Variants in NRG3 observed in about 807,000 individuals in gnomAD.
NRG3 encodes the protein pro-neuregulin-3, membrane-bound isoform.
A neutral mutation model predicts 66.9 loss-of-function variants in NRG3; 31 were observed. The ratio of observed to expected loss-of-function variants is 0.46; its 90% CI spans 0.35 to 0.63. NRG3 has a LOEUF of 0.63. Among genes scored for constraint, NRG3 ranks in the 20% least tolerant of loss-of-function variants. NRG3 has a pLI of 0.00. For synonymous variants in NRG3, 393 were observed against 359.4 expected, an observed-to-expected ratio of 1.09 and a Z score of -1.06; for missense variants, 910 against 878.9, an observed-to-expected ratio of 1.04 and a Z score of -0.45.
chr10:82,313,364 A>T (rs996487691), intron 1 of NRG3, among the ~76,000 whole-genome samples: 21 of 148,138 alleles, frequency 1.4e-4, no homozygotes, highest in Admixed American at 2.7e-4. Flanking sequence ...CAAATAAAAA[A>T]TAAATAAATA....
chr10:82,333,832 G>A (rs2082257203), intron 1 of NRG3, among the ~76,000 whole-genome samples: 1 of 152,132 alleles, frequency 6.6e-6, no homozygotes, highest in Admixed American at 6.5e-5. Flanking sequence ...AAGAAAAACA[G>A]CATACTGCTG....
At chr10:82,261,384 T>A (rs1267876664) in intron 1 of NRG3, among the ~76,000 whole-genome samples, 1 of 152,110 alleles carries the variant, frequency 6.6e-6, no homozygotes, top group African/African-American at 2.4e-5. Context: ...GAACTGAGAG[T>A]CAATTAAACC....
chr10:82,385,896 G>T (rs1195430523), intron 2 of NRG3, among the ~76,000 whole-genome samples: 1 of 152,076 alleles, frequency 6.6e-6, no homozygotes, highest in African/African-American at 2.4e-5. Flanking sequence ...TTTTCATGTT[G>T]TCTTAAAGTG....
rs182307734 is a variant in NRG3 at position 82,798,214 on chromosome 10, A to G, written c.1027+59564A>G. Among the ~76,000 whole-genome samples the G allele has an allele frequency of 2.0e-5, 3 of 152,322 alleles. No homozygotes were observed. In the East Asian group the frequency reaches 5.8e-4, roughly 29 times the overall value. On this transcript the variant is annotated intron_variant, in intron 3 of 8. Coordinates refer to ENST00000372141, the MANE Select transcript of NRG3 (RefSeq NM_001010848.4). Reference sequence around the variant, plus strand: ...GCTGACCAAATATACACAGTAAGTTATAGTATTGGGTAAATGAAACAATCC... The same window carrying G: ...GCTGACCAAATATACACAGTAAGTTGTAGTATTGGGTAAATGAAACAATCC...
intron 1 of NRG3, among the ~76,000 whole-genome samples, chr10:81,925,039 A>T (rs1381691576): frequency 6.6e-6 from 1 of 152,196 alleles, no homozygotes; most frequent in Non-Finnish European, 1.5e-5. Flanking sequence ...CTATTTAGAG[A>T]AAGTCATCAT....
At chr10:82,173,939 G>A (rs571505141) in intron 1 of NRG3, among the ~76,000 whole-genome samples, 38 of 152,108 alleles carry the variant, frequency 2.5e-4, no homozygotes, top group Non-Finnish European at 3.4e-4. Flanking sequence ...TCCTTCGTCC[G>A]TTATATTTGG....
At chr10:82,093,980 C>G (rs761852041) in intron 1 of NRG3, among the ~76,000 whole-genome samples, 7 of 152,172 alleles carry the variant, frequency 4.6e-5, no homozygotes, top group Non-Finnish European at 1.0e-4. Context: ...TGTAAAGCCT[C>G]TTCATAGTTA....
chr10:82,702,745 T>A (rs1395627365), intron 2 of NRG3, among the ~76,000 whole-genome samples: 1 of 152,140 alleles, frequency 6.6e-6, no homozygotes, highest in African/African-American at 2.4e-5. Flanking sequence ...CCTTTGATGA[T>A]TCCTTGAGTG....
intron 1 of NRG3, among the ~76,000 whole-genome samples, chr10:82,087,958 AT>A (rs1304930253): frequency 6.7e-6 from 1 of 148,346 alleles, no homozygotes; most frequent in African/African-American, 2.6e-5. Context: ...AGATGTTCAC[AT>A]TTCCCGGCTG....
chr10:82,558,726 T>C (rs897541316), intron 2 of NRG3, among the ~76,000 whole-genome samples: 1 of 152,166 alleles, frequency 6.6e-6, no homozygotes. Flanking sequence ...AATATAGAGA[T>C]GCTCATTTTA....
intron 3 of NRG3, among the ~76,000 whole-genome samples, chr10:82,865,039 T>C (rs1206221307): frequency 6.6e-6 from 1 of 152,198 alleles, no homozygotes; most frequent in African/African-American, 2.4e-5. Context: ...GTTGAACAAA[T>C]AGTTATTCCA....
intron 3 of NRG3, among the ~76,000 whole-genome samples, chr10:82,758,554 T>C (rs1331522119): frequency 6.6e-6 from 1 of 152,146 alleles, no homozygotes; most frequent in Non-Finnish European, 1.5e-5. Flanking sequence ...CCCTGTTTAT[T>C]GTCACCGAAT....
intron 1 of NRG3, among the ~76,000 whole-genome samples, chr10:82,227,117 G>T (rs1002438165): frequency 1.3e-5 from 2 of 152,094 alleles, no homozygotes; most frequent in African/African-American, 4.8e-5. Flanking sequence ...ACATGAGAAG[G>T]TCATCTTTCC....
In NRG3 at chr10:82,787,073, T is replaced by G. The variant is rs149281127; in HGVS notation, c.1027+48423T>G. Among the ~76,000 whole-genome samples the G allele has an allele frequency of 6.9e-3, 1,044 of 152,334 alleles. 13 individuals carry two copies. The highest frequency in any genetic ancestry group is 0.024 in the African/African-American group (1,006 of 41,578). On this transcript the variant is annotated intron_variant, in intron 3 of 8. Coordinates refer to ENST00000372141, the MANE Select transcript of NRG3 (RefSeq NM_001010848.4). Reference sequence around the variant, plus strand: ...TTATCAGCACAAAACAGACTAGACATGCAGCCATTTTCCCTCTAGACACAT... The same window carrying G: ...TTATCAGCACAAAACAGACTAGACAGGCAGCCATTTTCCCTCTAGACACAT...
chr10:82,204,167 G>A (rs2074996816), intron 1 of NRG3, among the ~76,000 whole-genome samples: 1 of 152,090 alleles, frequency 6.6e-6, no homozygotes, highest in Non-Finnish European at 1.5e-5. Flanking sequence ...CATATTAACA[G>A]GAGCTTTATA....
chr10:82,318,817 A>G (rs2081419476), intron 1 of NRG3, among the ~76,000 whole-genome samples: 1 of 152,212 alleles, frequency 6.6e-6, no homozygotes, highest in Non-Finnish European at 1.5e-5. Context: ...AAGCAAGGGC[A>G]ATATCTAGTT....
intron 4 of NRG3, among the ~76,000 whole-genome samples, chr10:82,883,808 T>C (rs1195033307): frequency 6.6e-6 from 1 of 152,196 alleles, no homozygotes; most frequent in African/African-American, 2.4e-5. Context: ...GTTGAGAGAA[T>C]GCATGTCATA....
At chr10:81,998,292 C>T (rs1019809972) in intron 1 of NRG3, among the ~76,000 whole-genome samples, 2 of 152,162 alleles carry the variant, frequency 1.3e-5, no homozygotes, top group African/African-American at 4.8e-5. Flanking sequence ...TACATTTAAT[C>T]AGATCTAATG....
At chr10:82,466,332 G>T (rs1840675139) in intron 2 of NRG3, among the ~76,000 whole-genome samples, 1 of 152,096 alleles carries the variant, frequency 6.6e-6, no homozygotes, top group South Asian at 2.1e-4. Context: ...ATCACAAGAG[G>T]CACTTGAGTA....
Sources: allele counts gnomAD v4.1 joint callset (sites outside exome capture counted in the v4.1 genomes callset), GRCh38; gene constraint gnomAD v4.1.1; transcripts MANE v1.5; gene names NCBI Gene and HGNC (gene_info 2026-07-23, HGNC 2026-07-21).